The following DLC1 variants were observed in gnomAD, a reference collection of about 807,000 sequenced individuals.
The protein encoded by DLC1 is rho GTPase-activating protein 7.
DLC1 carries 54 observed loss-of-function variants against 140.3 expected under a neutral mutation model. The ratio of observed to expected loss-of-function variants is 0.38; its 90% confidence interval spans 0.31 to 0.48. The LOEUF (loss-of-function observed/expected upper bound fraction) is 0.48. DLC1 is among the 20% of genes least tolerant of loss of function. The pLI, the probability that DLC1 is intolerant of heterozygous loss-of-function variation, is 0.96. For synonymous variants in DLC1, 986 were observed against 728.1 expected (o/e 1.35, Z -5.70); for missense variants, 2,536 against 1,907.0 (o/e 1.33, Z -6.14).
At chr8:13,416,039 G>C (rs1224064702) in intron 2 of DLC1, among the ~76,000 whole-genome samples, 1 of 152,148 alleles carries the variant, frequency 6.6e-6, no homozygotes, top group Non-Finnish European at 1.5e-5. Context: ...CTTTCAGGAT[G>C]CTTTCTACCT....
chr8:13,364,592 A>G (rs1348769010), intron 4 of DLC1, among the ~76,000 whole-genome samples: 7 of 152,182 alleles, frequency 4.6e-5, no homozygotes, highest in Non-Finnish European at 1.5e-5. Context: ...CCACCACAGC[A>G]GGCCTGCATA....
chr8:13,192,908 A>G (rs1485714262), intron 5 of DLC1, among the ~76,000 whole-genome samples: 1 of 152,222 alleles, frequency 6.6e-6, no homozygotes, highest in Non-Finnish European at 1.5e-5. Flanking sequence ...CTCCAGGACT[A>G]TGAGGAAATA....
chr8:13,250,322 C>T (rs1011652269), intron 5 of DLC1, among the ~76,000 whole-genome samples: 2 of 152,176 alleles, frequency 1.3e-5, no homozygotes, highest in Non-Finnish European at 2.9e-5. Flanking sequence ...TTGGAGAGTT[C>T]CCTATAGTTC....
At chr8:13,490,563 A>G (rs903116996) in intron 2 of DLC1, among the ~76,000 whole-genome samples, 1 of 152,198 alleles carries the variant, frequency 6.6e-6, no homozygotes, top group East Asian at 1.9e-4. Context: ...GATTTATCCC[A>G]ACTTGTGTGG....
intron 4 of DLC1, among the ~76,000 whole-genome samples, chr8:13,353,108 G>A (rs962693611): frequency 3.3e-5 from 5 of 152,102 alleles, no homozygotes; most frequent in African/African-American, 1.2e-4. Flanking sequence ...TAACCTGAAA[G>A]GTGGCTGAAA....
At chr8:13,154,187 C>A (rs1388105271) in intron 5 of DLC1, among the ~76,000 whole-genome samples, 3 of 152,242 alleles carry the variant, frequency 2.0e-5, no homozygotes, top group Non-Finnish European at 4.4e-5. Flanking sequence ...CCTAGTGGAT[C>A]CCGTGCCAGG....
chr8:13,096,067 T>C (rs886731999), intron 10 of DLC1: 3 of 152,180 alleles, frequency 2.0e-5, no homozygotes, highest in Non-Finnish European at 2.9e-5. Flanking sequence ...TTTCAGGCTG[T>C]CAAGCAGAAA....
At chr8:13,247,077 C>T (rs775226488) in intron 5 of DLC1, among the ~76,000 whole-genome samples, 1 of 152,128 alleles carries the variant, frequency 6.6e-6, no homozygotes, top group Non-Finnish European at 1.5e-5. Context: ...TCACCTATTG[C>T]CCAGAAAGAA....
intron 1 of DLC1, among the ~76,000 whole-genome samples, chr8:13,566,055 T>A (rs1804416125): frequency 6.6e-6 from 1 of 152,204 alleles, no homozygotes; most frequent in Non-Finnish European, 1.5e-5. Context: ...ACACCTGCTA[T>A]GTGTCTGCTG....
At chr8:13,289,553 A>G (rs1586077075) in intron 5 of DLC1, among the ~76,000 whole-genome samples, 1 of 151,768 alleles carries the variant, frequency 6.6e-6, no homozygotes, top group East Asian at 1.9e-4. Flanking sequence ...CTGGCTTTGA[A>G]CTCCTGGCCT....
At chr8:13,391,849 T>C (rs904244881) in intron 4 of DLC1, among the ~76,000 whole-genome samples, 1 of 151,158 alleles carries the variant, frequency 6.6e-6, no homozygotes, top group Non-Finnish European at 1.5e-5. Flanking sequence ...ACAAAGTGAA[T>C]TAAATAATAA....
intron 5 of DLC1, among the ~76,000 whole-genome samples, chr8:13,121,783 G>A (rs1360288464): frequency 6.6e-6 from 1 of 152,020 alleles, no homozygotes; most frequent in Non-Finnish European, 1.5e-5. Flanking sequence ...AAACTCCTGG[G>A]CTCAGGCAAT....
At chr8:13,565,723 A>G (rs1013204775) in intron 1 of DLC1, among the ~76,000 whole-genome samples, 22 of 152,298 alleles carry the variant, frequency 1.4e-4, no homozygotes, top group Admixed American at 1.2e-3. Flanking sequence ...CAAAACTGAG[A>G]AAGAAGGGTG....
chr8:13,115,977 TGAA>T (rs1232433600), intron 5 of DLC1, among the ~76,000 whole-genome samples: 1 of 152,198 alleles, frequency 6.6e-6, no homozygotes, highest in African/African-American at 2.4e-5. Context: ...ATGAGAAAGT[TGAA>T]GAGAGATTTA....
At chr8:13,413,345 T>A (rs1039945100) in intron 2 of DLC1, among the ~76,000 whole-genome samples, 4 of 148,812 alleles carry the variant, frequency 2.7e-5, no homozygotes, top group African/African-American at 9.9e-5. Flanking sequence ...CTTCTTCCAA[T>A]GTGGCCCGGG....
chr8:13,528,146 A>G (rs1404948482), intron 1 of DLC1, among the ~76,000 whole-genome samples: 2 of 152,144 alleles, frequency 1.3e-5, no homozygotes, highest in Non-Finnish European at 2.9e-5. Context: ...GATAACTGAA[A>G]AAGCATAAAC....
At chr8:13,404,277 A>G (rs289588) in intron 2 of DLC1, among the ~76,000 whole-genome samples, 52,187 of 151,838 alleles carry the variant, frequency 0.34, 9,746 homozygotes, top group East Asian at 0.77. Flanking sequence ...TATTTGTAGC[A>G]TTTGTGGATT....
chr8:13,185,998 G>A (rs905338199), intron 5 of DLC1, among the ~76,000 whole-genome samples: 22 of 152,214 alleles, frequency 1.4e-4, no homozygotes, highest in African/African-American at 5.1e-4. Flanking sequence ...TGGCTTGTAG[G>A]GTTTCTGCCA....
At chr8:13,489,877 G>C (rs934287330) in intron 2 of DLC1, among the ~76,000 whole-genome samples, 1 of 152,120 alleles carries the variant, frequency 6.6e-6, no homozygotes, top group Admixed American at 6.5e-5. Context: ...CAATTATTTG[G>C]CTGTCAGATC....
Sources: gnomAD v4.1 joint callset for allele counts (sites outside exome capture counted in the v4.1 genomes callset) on GRCh38, gnomAD v4.1.1 for gene constraint, MANE v1.5 for transcripts, NCBI Gene and HGNC (gene_info 2026-07-23, HGNC 2026-07-21) for gene names.